EFCAB6: variants seen among roughly 807,000 people sequenced by gnomAD.
EFCAB6 encodes the protein EF-hand calcium binding domain 6, also known as EF-hand calcium-binding domain-containing protein 6.
A neutral mutation model predicts 169.8 loss-of-function variants in EFCAB6; 156 were observed. The ratio of observed to expected loss-of-function variants is 0.92; its 90% CI spans 0.81 to 1.05. The LOEUF (loss-of-function observed/expected upper bound fraction) is 1.05. Ranked by LOEUF, EFCAB6 falls within the 50% of genes least tolerant of loss-of-function variation. The probability of loss-of-function intolerance (pLI) is 0.00; values close to 1 mark genes in which losing one functional copy is unlikely to be tolerated. For synonymous variants in EFCAB6, 698 were observed against 676.4 expected (o/e 1.03, Z -0.50); for missense variants, 1,800 against 1,829.1 (o/e 0.98, Z 0.29).
At chr22:43,540,508 A>C (rs1569127039) in intron 27 of EFCAB6, 151 bp from the exon 28 acceptor site, 1 of 1,533,944 alleles carries the variant, frequency 6.5e-7, no homozygotes. Context: ...TAAAACGCCC[A>C]TTTGGCCTTC....
chr22:43,537,684 A>C lies in EFCAB6; in HGVS notation c.3880-139T>G. ...CCAGAAATAAAATGAAGAATAAAAC[A>C]TAGATGGTGATTTTACAATGTAGCT... is the stretch of plus-strand genomic sequence containing the variant. On this transcript the variant is annotated intron_variant, in intron 28 of 31. Transcript: ENST00000262726. The surrounding 1 kb of genome is among the most constrained non-coding windows in gnomAD (Gnocchi z 4.3). 2 of 1,040,984 alleles carry C rather than the reference A, an allele frequency of 1.9e-6. No homozygotes were observed. Among genetic ancestry groups the C allele is most frequent in the Non-Finnish European group, 2.7e-6 (2 of 745,586 alleles). The allele number at this position is 1,040,984 out of a possible 1,614,324, so 64.5% of individuals were successfully genotyped here.
chr22:43,687,431 T>C (rs749985727), intron 11 of EFCAB6, 40 bp downstream of exon 11: 3 of 1,187,372 alleles, frequency 2.5e-6, no homozygotes, highest in Non-Finnish European at 3.6e-6. Flanking sequence ...TATTATGATA[T>C]GTGTAACTAA....
intron 19 of EFCAB6, among the ~76,000 whole-genome samples, chr22:43,630,337 C>T (rs1397396058): frequency 3.3e-5 from 5 of 152,220 alleles, no homozygotes; most frequent in Non-Finnish European, 5.9e-5. Flanking sequence ...AATTCTCTGG[C>T]GGGATAGAGT....
At chr22:43,554,821 A>G (rs1257557097) in intron 27 of EFCAB6, 48 bp downstream of exon 27, 1 of 1,529,290 alleles carries the variant, frequency 6.5e-7, no homozygotes, top group African/African-American at 1.4e-5. Context: ...GACCAGGCTG[A>G]CGCTCAGCCA....
chr22:43,639,923 G>A (rs544981069), intron 17 of EFCAB6, among the ~76,000 whole-genome samples: 17 of 151,998 alleles, frequency 1.1e-4, no homozygotes, highest in African/African-American at 2.4e-4. Flanking sequence ...TCATTCTGTG[G>A]TTGAGCTATG....
chr22:43,568,681 A>G (rs952448252), intron 26 of EFCAB6, among the ~76,000 whole-genome samples: 9 of 152,080 alleles, frequency 5.9e-5, no homozygotes, highest in African/African-American at 2.2e-4. Context: ...CGCACCATGC[A>G]TTTCCATGGG....
intron 27 of EFCAB6, among the ~76,000 whole-genome samples, chr22:43,549,248 A>T (rs1011868452): frequency 6.6e-6 from 1 of 152,182 alleles, no homozygotes; most frequent in Non-Finnish European, 1.5e-5. Context: ...AATTAATAGA[A>T]AATTAATATC....
chr22:43,530,882 A>ATTG lies in EFCAB6; in HGVS notation c.4313_4315dup (p.Pro1438_Met1439insThr). On this transcript the variant is annotated inframe_insertion, in exon 31 of 32. Coordinates refer to ENST00000262726, the MANE Select transcript of EFCAB6 (RefSeq NM_022785.4). The stretch of plus-strand genomic sequence containing the variant: ...ATCATAGCTTTTGAACGTGCGCCGC[A>ATTG]TTGGCCTCCAGCAGTGCACAATTTT... 8 of 1,614,224 alleles carry ATTG rather than the reference A, an allele frequency of 5.0e-6. No individual in the cohort carries two copies. Among genetic ancestry groups the ATTG allele is most frequent in the Non-Finnish European group, 6.8e-6 (8 of 1,180,044 alleles).
chr22:43,765,944 T>C (rs1005467409), intron 4 of EFCAB6, among the ~76,000 whole-genome samples: 1 of 152,240 alleles, frequency 6.6e-6, no homozygotes, highest in Non-Finnish European at 1.5e-5. Flanking sequence ...ACTGTGATTA[T>C]GTAAAAGAAT....
At chr22:43,726,152 C>T (rs1310722361) in intron 8 of EFCAB6, among the ~76,000 whole-genome samples, 1 of 151,278 alleles carries the variant, frequency 6.6e-6, no homozygotes, top group Non-Finnish European at 1.5e-5. Context: ...AATCTGCTGC[C>T]AATTATTGAT....
At chr22:43,619,155 A>T (rs1201820685) in intron 20 of EFCAB6, among the ~76,000 whole-genome samples, 1 of 152,206 alleles carries the variant, frequency 6.6e-6, no homozygotes, top group African/African-American at 2.4e-5. Flanking sequence ...CAAGCAGCAT[A>T]GCAACCAGCT....
chr22:43,735,623 C>T lies in EFCAB6; in HGVS notation c.644+234G>A, dbSNP rs567832674. Reference sequence around the variant, plus strand: ...GTGTTCAGAGCTGCGGGCCAGAGGACGGACCCCAAGGGTGCTTAAGGAATG... The same window carrying T: ...GTGTTCAGAGCTGCGGGCCAGAGGATGGACCCCAAGGGTGCTTAAGGAATG... On this transcript the variant is annotated intron_variant, in intron 7 of 31. Coordinates refer to ENST00000262726, the MANE Select transcript of EFCAB6 (RefSeq NM_022785.4). Among the ~76,000 whole-genome samples the T allele has an allele frequency of 7.2e-5, 11 of 152,186 alleles. No individual in the cohort carries two copies. In the East Asian group the frequency reaches 1.2e-3, roughly 16 times the overall value.
At chr22:43,545,921 C>G (rs1402621529) in intron 27 of EFCAB6, among the ~76,000 whole-genome samples, 2 of 152,174 alleles carry the variant, frequency 1.3e-5, no homozygotes, top group Non-Finnish European at 2.9e-5. Flanking sequence ...CAAATATAAG[C>G]TCTTTCATGA....
chr22:43,635,357 G>C (rs974328768), intron 17 of EFCAB6, 141 bp from the exon 18 acceptor site: 1 of 657,642 alleles, frequency 1.5e-6, no homozygotes, highest in Admixed American at 2.4e-5. Context: ...GGCTGCCAGG[G>C]GGTGGGACCG....
rs995117247 is a variant in EFCAB6 at position 43,582,830 on chromosome 22, G to A, written c.3033-2171C>T. Among the ~76,000 whole-genome samples, 10 of 152,100 alleles carry A rather than the reference G, an allele frequency of 6.6e-5. No individual in the cohort carries two copies. In the East Asian group the frequency reaches 1.2e-3, roughly 18 times the overall value. On this transcript the variant is annotated intron_variant, in intron 24 of 31. Transcript: ENST00000262726. ...AAATATTGAACGTTATCTGAGCCCT[G>A]TTCTAGAAAAAAGTGATGGTTAAAG...
intron 23 of EFCAB6, among the ~76,000 whole-genome samples, chr22:43,592,329 T>C (rs565977448): frequency 6.6e-6 from 1 of 152,312 alleles, no homozygotes; most frequent in Non-Finnish European, 1.5e-5. Flanking sequence ...CAGCAGCATT[T>C]TGGATTCCCC....
At chr22:43,689,616 T>C (rs551775446) in intron 10 of EFCAB6, among the ~76,000 whole-genome samples, 1 of 152,328 alleles carries the variant, frequency 6.6e-6, no homozygotes, top group East Asian at 1.9e-4. Flanking sequence ...TTCAAGCTCA[T>C]GGCAGTGCCA....
intron 25 of EFCAB6, among the ~76,000 whole-genome samples, chr22:43,578,346 G>A (rs146832102): frequency 5.6e-4 from 86 of 152,324 alleles, no homozygotes; most frequent in Middle Eastern, 3.4e-3. Flanking sequence ...CCAGGACTCT[G>A]TGACGTTAGA....
chr22:43,561,858 A>C (rs528614109), intron 26 of EFCAB6, among the ~76,000 whole-genome samples: 26 of 152,238 alleles, frequency 1.7e-4, no homozygotes, highest in Non-Finnish European at 3.4e-4. Flanking sequence ...TTCAGATGCA[A>C]ATGACACGTT....
Sources: allele counts gnomAD v4.1 joint callset (sites outside exome capture counted in the v4.1 genomes callset), GRCh38; gene constraint gnomAD v4.1.1; non-coding constraint Gnocchi (gnomAD v3.1); transcripts MANE v1.5; gene names NCBI Gene and HGNC (gene_info 2026-07-23, HGNC 2026-07-21).